The following NEGR1 variants were observed in gnomAD, a reference collection of about 807,000 sequenced individuals.
The protein encoded by NEGR1 is neuronal growth regulator 1.
In NEGR1, 10 loss-of-function variants were observed where a neutral mutation model predicts 40.9. The ratio of observed to expected loss-of-function variants is 0.24; its 90% CI spans 0.15 to 0.42. The LOEUF (loss-of-function observed/expected upper bound fraction) is 0.42. Ranked by LOEUF, NEGR1 falls within the 10% of genes least tolerant of loss-of-function variation. NEGR1 has a pLI of 1.00. For missense variants in NEGR1, 352 were observed against 438.9 expected (o/e 0.80, Z 1.77); for synonymous variants, 185 against 166.8 (o/e 1.11, Z -0.84).
intron 1 of NEGR1, among the ~76,000 whole-genome samples, chr1:71,935,524 A>AGTGTGT (rs3061582): frequency 6.7e-6 from 1 of 149,312 alleles, no homozygotes; most frequent in Non-Finnish European, 1.5e-5. Context: ...TTAAGTGTGT[A>AGTGTGT]GTGTGTGTGT....
At chr1:72,210,780 G>C (rs957229266) in intron 1 of NEGR1, among the ~76,000 whole-genome samples, 2 of 151,766 alleles carry the variant, frequency 1.3e-5, no homozygotes, top group African/African-American at 4.8e-5. Flanking sequence ...AATCATACAT[G>C]GTGAAAGATG....
intron 1 of NEGR1, among the ~76,000 whole-genome samples, chr1:72,160,065 C>A (rs373492111): frequency 1.3e-5 from 2 of 151,998 alleles, no homozygotes; most frequent in Non-Finnish European, 2.9e-5. Flanking sequence ...AGCAAATAAC[C>A]AAAGTTTCTG....
intron 4 of NEGR1, among the ~76,000 whole-genome samples, chr1:71,613,340 C>G (rs779640151): frequency 1.3e-5 from 2 of 151,988 alleles, no homozygotes; most frequent in Non-Finnish European, 2.9e-5. Context: ...ATGAAAAGGA[C>G]AGTAAATAGA....
chr1:72,251,665 G>GA (rs1655095287), intron 1 of NEGR1, among the ~76,000 whole-genome samples: 1 of 151,920 alleles, frequency 6.6e-6, no homozygotes, highest in Non-Finnish European at 1.5e-5. Flanking sequence ...TAATGGCAAG[G>GA]AAAAAAGTCT....
chr1:71,455,846 G>A (rs768234129), intron 6 of NEGR1, among the ~76,000 whole-genome samples: 1 of 152,084 alleles, frequency 6.6e-6, no homozygotes, highest in Non-Finnish European at 1.5e-5. Flanking sequence ...TTGTTTTCCT[G>A]TCTCCTTTCC....
chr1:71,594,832 G>A (rs1037353539), intron 5 of NEGR1, among the ~76,000 whole-genome samples: 1 of 152,132 alleles, frequency 6.6e-6, no homozygotes, highest in Non-Finnish European at 1.5e-5. Flanking sequence ...ACTTGAATTT[G>A]CCCGCATCTT....
rs913401573 is a variant in NEGR1 at position 71,397,210 on chromosome 1, T to C, written c.*10236A>G. 6.6e-6 allele frequency: 1 copy of C among 152,548 alleles called. No homozygotes were observed. The highest frequency in any genetic ancestry group is 1.5e-5 in the Non-Finnish European group (1 of 68,318). 9.4% of individuals were successfully genotyped at this position (152,548 alleles called of 1,614,324 possible). ...TAGCATTTTGCCCTTGCCCTAGAGA[T>C]GTGTAGAACTTTGAAGTTGAGAGAG... On this transcript the variant is annotated 3_prime_UTR_variant, in exon 7 of 7. Coordinates refer to ENST00000357731, the MANE Select transcript of NEGR1 (RefSeq NM_173808.3).
chr1:71,797,211 C>T (rs1316382123), intron 2 of NEGR1, among the ~76,000 whole-genome samples: 2 of 152,092 alleles, frequency 1.3e-5, no homozygotes, highest in Non-Finnish European at 2.9e-5. Flanking sequence ...CACAGTCATG[C>T]TATGAATTAG....
At chr1:71,839,275 C>T (rs1459270726) in intron 2 of NEGR1, among the ~76,000 whole-genome samples, 3 of 144,992 alleles carry the variant, frequency 2.1e-5, no homozygotes, top group African/African-American at 2.6e-5. Flanking sequence ...ATGATCTCAG[C>T]TCACTGCAAC....
chr1:71,941,888 A>T (rs1645962624), intron 1 of NEGR1, among the ~76,000 whole-genome samples: 1 of 152,082 alleles, frequency 6.6e-6, no homozygotes, highest in African/African-American at 2.4e-5. Context: ...GAAGACACTG[A>T]GATGCATCTG....
chr1:71,483,570 A>G (rs1646868215), intron 6 of NEGR1, among the ~76,000 whole-genome samples: 1 of 151,314 alleles, frequency 6.6e-6, no homozygotes, highest in South Asian at 2.1e-4. Context: ...ATACAAAGGT[A>G]TCAAACTTTT....
At chr1:71,937,975 G>A (rs1645923392) in intron 1 of NEGR1, among the ~76,000 whole-genome samples, 2 of 151,910 alleles carry the variant, frequency 1.3e-5, no homozygotes, top group African/African-American at 4.8e-5. Context: ...GACATGGGCT[G>A]CCACAGAAGA....
chr1:71,767,069 T>TG (rs1415348015), intron 3 of NEGR1, among the ~76,000 whole-genome samples: 1 of 152,162 alleles, frequency 6.6e-6, no homozygotes, highest in Admixed American at 6.6e-5. Context: ...TTTATAGCAG[T>TG]GCAAGAATGG....
At chr1:71,433,658 A>G (rs1288891048) in intron 6 of NEGR1, among the ~76,000 whole-genome samples, 1 of 152,218 alleles carries the variant, frequency 6.6e-6, no homozygotes, top group Non-Finnish European at 1.5e-5. Context: ...AGACTTAATC[A>G]CTACCACGAG....
chr1:71,703,598 G>GAA (rs1653775981), intron 3 of NEGR1, among the ~76,000 whole-genome samples: 1 of 150,432 alleles, frequency 6.6e-6, no homozygotes, highest in African/African-American at 2.4e-5. Flanking sequence ...ATGGCAGATA[G>GAA]AAAAAAATGA....
At chr1:71,997,703 A>G (rs1646517352) in intron 1 of NEGR1, among the ~76,000 whole-genome samples, 1 of 151,944 alleles carries the variant, frequency 6.6e-6, no homozygotes, top group South Asian at 2.1e-4. Context: ...TGAAAAAATA[A>G]TCTGACATCC....
At chr1:71,582,930 T>C (rs1187370209) in intron 6 of NEGR1, among the ~76,000 whole-genome samples, 1 of 152,164 alleles carries the variant, frequency 6.6e-6, no homozygotes, top group African/African-American at 2.4e-5. Flanking sequence ...GTAAGCTAAG[T>C]TTGATTACAT....
intron 1 of NEGR1, among the ~76,000 whole-genome samples, chr1:72,195,047 T>C (rs1446551696): frequency 5.3e-5 from 8 of 152,050 alleles, no homozygotes; most frequent in African/African-American, 1.9e-4. Flanking sequence ...CTGTCAATCT[T>C]ACCATTATGC....
intron 1 of NEGR1, among the ~76,000 whole-genome samples, chr1:72,220,163 A>C (rs1284292469): frequency 1.3e-5 from 2 of 151,954 alleles, no homozygotes; most frequent in Non-Finnish European, 2.9e-5. Context: ...TTACCAATTA[A>C]ATCTCAGAAA....
Sources: allele counts gnomAD v4.1 joint callset (sites outside exome capture counted in the v4.1 genomes callset), GRCh38; gene constraint gnomAD v4.1.1; transcripts MANE v1.5; gene names NCBI Gene and HGNC (gene_info 2026-07-23, HGNC 2026-07-21).